The following EPHB2 variants were observed in gnomAD, a reference collection of about 807,000 sequenced individuals.
The protein encoded by EPHB2 is EPH receptor B2.
EPHB2 carries 18 observed loss-of-function variants against 96.4 expected under a neutral mutation model. That is an observed-to-expected ratio of 0.19 (90% CI 0.13 to 0.28). The LOEUF (loss-of-function observed/expected upper bound fraction) is 0.28. EPHB2 is among the 10% of genes least tolerant of loss of function. The probability of loss-of-function intolerance (pLI) is 1.00; values close to 1 mark genes in which losing one functional copy is unlikely to be tolerated. For missense variants in EPHB2, 989 were observed against 1,355.4 expected, an observed-to-expected ratio of 0.73 and a Z score of 4.25; for synonymous variants, 506 against 534.1, an observed-to-expected ratio of 0.95 and a Z score of 0.72.
At chr1:22,711,727 C>T (rs944532534) in intron 1 of EPHB2, among the ~76,000 whole-genome samples, 1 of 152,112 alleles carries the variant, frequency 6.6e-6, no homozygotes, top group Non-Finnish European at 1.5e-5. Flanking sequence ...CACCGCCCCG[C>T]GGCCGCGGCG....
chr1:22,892,691 T>C (rs1206601716), intron 6 of EPHB2, 193 bp from the exon 7 acceptor site: 2 of 772,722 alleles, frequency 2.6e-6, no homozygotes, highest in African/African-American at 1.7e-5. Context: ...ATACTCTGCC[T>C]ACCTTTGTGG....
At chr1:22,802,015 C>T (rs1644850898) in intron 3 of EPHB2, among the ~76,000 whole-genome samples, 1 of 152,184 alleles carries the variant, frequency 6.6e-6, no homozygotes, top group Non-Finnish European at 1.5e-5. Flanking sequence ...ATGCTGGGCC[C>T]TGCGCAGGGC....
intron 5 of EPHB2, among the ~76,000 whole-genome samples, chr1:22,866,034 C>G (rs1223111983): frequency 1.3e-5 from 2 of 152,110 alleles, no homozygotes; most frequent in Non-Finnish European, 2.9e-5. Flanking sequence ...TCCTAGCCTC[C>G]CCTCTCTACC....
intron 3 of EPHB2, among the ~76,000 whole-genome samples, chr1:22,802,567 A>C (rs926844935): frequency 6.6e-6 from 1 of 152,046 alleles, no homozygotes; most frequent in Non-Finnish European, 1.5e-5. Context: ...AGCTGTGGAA[A>C]CTGAGGCTCC....
At chr1:22,777,947 T>G (rs1428145206) in intron 1 of EPHB2, among the ~76,000 whole-genome samples, 1 of 152,236 alleles carries the variant, frequency 6.6e-6, no homozygotes, top group African/African-American at 2.4e-5. Context: ...GAAGGTATTT[T>G]GGCCATTTTC....
At chr1:22,849,059 C>A (rs185390049) in intron 3 of EPHB2, among the ~76,000 whole-genome samples, 1 of 152,290 alleles carries the variant, frequency 6.6e-6, no homozygotes, top group East Asian at 1.9e-4. Flanking sequence ...GAGCTTAGTA[C>A]TTCTTTCTGT....
chr1:22,869,633 G>A (rs1013173077), intron 5 of EPHB2, among the ~76,000 whole-genome samples: 3 of 152,120 alleles, frequency 2.0e-5, no homozygotes, highest in Non-Finnish European at 2.9e-5. Flanking sequence ...GGCAACTGGA[G>A]GGAGGGATTC....
At chr1:22,901,428 C>A (rs1235773988) in intron 9 of EPHB2, among the ~76,000 whole-genome samples, 1 of 152,228 alleles carries the variant, frequency 6.6e-6, no homozygotes, top group Non-Finnish European at 1.5e-5. Flanking sequence ...CCAGAATTAG[C>A]AGCGGTGCCA....
intron 9 of EPHB2, among the ~76,000 whole-genome samples, chr1:22,905,054 A>G (rs1158249614): frequency 6.6e-6 from 1 of 152,156 alleles, no homozygotes; most frequent in Non-Finnish European, 1.5e-5. Context: ...GGAGGTCTGG[A>G]TGTTGGAAGA....
chr1:22,913,277 G>C lies in EPHB2; in HGVS notation c.2853-185G>C, dbSNP rs1640167686. Reference sequence around the variant, plus strand: ...CCTAGGGACCCTGATTCCGACTCAAGTGCTCTTCCACCTCACACCATAGTC... The same window carrying C: ...CCTAGGGACCCTGATTCCGACTCAACTGCTCTTCCACCTCACACCATAGTC... On this transcript the variant is annotated intron_variant, in intron 15 of 15. Transcript: ENST00000374630. The surrounding 1 kb of genome is among the most constrained non-coding windows in gnomAD (Gnocchi z 4.1). 4 of 710,014 alleles carry C rather than the reference G, an allele frequency of 5.6e-6. No homozygotes were observed. The Admixed American group carries it at 8.9e-5, about 16-fold the overall frequency. 44.0% of individuals were successfully genotyped at this position (710,014 alleles called of 1,614,324 possible).
At chr1:22,802,070 A>G (rs375907401) in intron 3 of EPHB2, among the ~76,000 whole-genome samples, 7 of 152,044 alleles carry the variant, frequency 4.6e-5, no homozygotes, top group African/African-American at 1.4e-4. Context: ...CGCAGATGGG[A>G]CCAGAAGTGA....
At chr1:22,776,577 G>C (rs2817914) in intron 1 of EPHB2, among the ~76,000 whole-genome samples, 26 of 152,178 alleles carry the variant, frequency 1.7e-4, no homozygotes, top group Non-Finnish European at 3.7e-4. Context: ...GAAGTGAAAT[G>C]ATGTTCCGTA....
intron 1 of EPHB2, among the ~76,000 whole-genome samples, chr1:22,758,840 G>T (rs1292405430): frequency 6.6e-6 from 1 of 151,352 alleles, no homozygotes; most frequent in Admixed American, 6.6e-5. Flanking sequence ...GGTACCTATT[G>T]GGGGCCCAGC....
At chr1:22,744,997 T>C (rs938246599) in intron 1 of EPHB2, among the ~76,000 whole-genome samples, 2 of 152,204 alleles carry the variant, frequency 1.3e-5, no homozygotes, top group Non-Finnish European at 2.9e-5. Flanking sequence ...GGTCTTGCTG[T>C]CTCGAGTGTG....
At chr1:22,847,600 C>T (rs1168626540) in intron 3 of EPHB2, among the ~76,000 whole-genome samples, 1 of 152,140 alleles carries the variant, frequency 6.6e-6, no homozygotes, top group Admixed American at 6.5e-5. Flanking sequence ...GTGAGGGGCC[C>T]AGGGCCCAGG....
chr1:22,720,325 A>G (rs972867064), intron 1 of EPHB2, among the ~76,000 whole-genome samples: 8 of 152,026 alleles, frequency 5.3e-5, no homozygotes, highest in South Asian at 2.1e-4. Flanking sequence ...TTTTTGTTTT[A>G]TCCTTGAAGA....
At chr1:22,732,482 GAAATAA>G (rs1643739890) in intron 1 of EPHB2, among the ~76,000 whole-genome samples, 2 of 152,158 alleles carry the variant, frequency 1.3e-5, no homozygotes, top group African/African-American at 4.8e-5. Flanking sequence ...ATGCCTTGTT[GAAATAA>G]AAATAGTCCA....
At chr1:22,898,276 G>C (rs998700726) in intron 9 of EPHB2, among the ~76,000 whole-genome samples, 2 of 152,164 alleles carry the variant, frequency 1.3e-5, no homozygotes, top group East Asian at 1.9e-4. Context: ...TGGGGATCAG[G>C]GTGGCGTTTT....
Position 22,741,179 on chromosome 1 carries a change from C to T in EPHB2, c.61+30136C>T, listed in dbSNP as rs181680066. Among the ~76,000 whole-genome samples the T allele has an allele frequency of 1.3e-4, 20 of 152,148 alleles. No individual in the cohort carries two copies. The East Asian group carries it at 3.7e-3, about 28-fold the overall frequency. On this transcript the variant is annotated intron_variant, in intron 1 of 15. Coordinates refer to ENST00000374630, the MANE Select transcript of EPHB2 (RefSeq NM_017449.5). ...CTAAGTGCTTAATCTCTCCCCCCGACCCCTATCCTCTGATTCTATCTAAGT... is the reference window on the plus strand; with the variant it reads ...CTAAGTGCTTAATCTCTCCCCCCGATCCCTATCCTCTGATTCTATCTAAGT...
Sources: gnomAD v4.1 joint callset for allele counts (sites outside exome capture counted in the v4.1 genomes callset) on GRCh38, gnomAD v4.1.1 for gene constraint, Gnocchi (gnomAD v3.1) non-coding constraint, MANE v1.5 for transcripts, NCBI Gene and HGNC (gene_info 2026-07-23, HGNC 2026-07-21) for gene names.